The following RBM39 variants were observed in gnomAD, a reference collection of about 807,000 sequenced individuals.
RBM39 encodes the protein RNA binding motif protein 39, also known as RNA-binding protein 39.
Under a neutral mutation model 79.6 loss-of-function variants are expected in RBM39, and 12 were observed. The observed-to-expected ratio is 0.15, with a 90% CI of 0.10 to 0.24. The LOEUF (loss-of-function observed/expected upper bound fraction) is 0.24, where lower values mean the gene tolerates loss of function less well. RBM39 is among the 10% of genes least tolerant of loss of function. RBM39 has a pLI of 1.00. For missense variants in RBM39, 243 were observed against 653.4 expected, an observed-to-expected ratio of 0.37 and a Z score of 6.85; for synonymous variants, 185 against 208.4, an observed-to-expected ratio of 0.89 and a Z score of 0.97.
At chr20:35,723,225 C>A (rs779378134) in intron 8 of RBM39, among the ~76,000 whole-genome samples, 1 of 141,224 alleles carries the variant, frequency 7.1e-6, no homozygotes, top group Non-Finnish European at 1.5e-5. Context: ...TAACCAAGAT[C>A]GCCTCAAAAA....
intron 2 of RBM39, 198 bp from the exon 3 acceptor site, chr20:35,739,215 A>G: frequency 1.6e-6 from 1 of 610,998 alleles, no homozygotes; most frequent in Non-Finnish European, 2.9e-6. Flanking sequence ...TTAAGTCATC[A>G]AGATACAAAA....
intron 3 of RBM39, chr20:35,734,186 C>T: frequency 7.7e-7 from 1 of 1,300,428 alleles, no homozygotes; most frequent in Non-Finnish European, 1.0e-6. Flanking sequence ...AGACACCCAC[C>T]TTCTGGAATC....
At chr20:35,706,672 T>C (rs533142493) in intron 14 of RBM39, among the ~76,000 whole-genome samples, 1 of 152,274 alleles carries the variant, frequency 6.6e-6, no homozygotes, top group African/African-American at 2.4e-5. Flanking sequence ...CTAGGCATAG[T>C]TTCCGCACCT....
At chr20:35,728,654 G>A (rs2039026643) in intron 6 of RBM39, among the ~76,000 whole-genome samples, 1 of 152,100 alleles carries the variant, frequency 6.6e-6, no homozygotes, top group Non-Finnish European at 1.5e-5. Flanking sequence ...GCACATGCCT[G>A]TACTCCCAGC....
intron 10 of RBM39, among the ~76,000 whole-genome samples, chr20:35,715,422 G>A (rs537418684): frequency 6.6e-5 from 10 of 152,086 alleles, no homozygotes; most frequent in African/African-American, 1.9e-4. Flanking sequence ...GTGATCTACC[G>A]CTCTCAGCCT....
rs8118120 is a variant in RBM39, at chr20:35,704,799, C to T, written c.1414-53G>A. On this transcript the variant is annotated intron_variant, in intron 15 of 16. Transcript: ENST00000253363. ...AGATGTTGCTGTATGCAAAATGGACCCAAGTTATGTTTATTCAAGTTGCCT... is the reference window on the plus strand; with the variant it reads ...AGATGTTGCTGTATGCAAAATGGACTCAAGTTATGTTTATTCAAGTTGCCT... 2,707 of 1,507,290 alleles carry T rather than the reference C, an allele frequency of 1.8e-3. 26 individuals are homozygous for T. The African/African-American group carries it at 0.03, about 17-fold the overall frequency. 93.4% of individuals were successfully genotyped at this position (1,507,290 alleles called of 1,614,324 possible).
chr20:35,721,841 A>T lies in RBM39; in HGVS notation c.724T>A (p.Leu242Ile), dbSNP rs1373168358. ...KNRAAAMANN[L>I]QKGSAGPMRL... is the part of the protein sequence containing the mutation. ...ATAGGTCCAGCACTTCCCTTTTGTA[A>T]ATTGTTTGCCATTGCTGCAGCTCTG... The change falls in exon 9 of 17, where the codon TTA becomes ATA. Residue 242 changes from leucine to isoleucine, a missense_variant. Around this residue, in one of 4 missense-constraint regions of RBM39, gnomAD observed 61 missense variants for 322.9 expected, o/e 0.19. Coordinates refer to ENST00000253363, the MANE Select transcript of RBM39 (RefSeq NM_184234.3). 6.2e-7 allele frequency: 1 copy of T among 1,613,930 alleles called. No homozygotes were observed. Among genetic ancestry groups the T allele is most frequent in the Admixed American group, 1.7e-5 (1 of 59,996 alleles).
intron 9 of RBM39, among the ~76,000 whole-genome samples, chr20:35,720,628 G>C (rs866892370): frequency 2.0e-5 from 3 of 151,344 alleles, no homozygotes; most frequent in African/African-American, 7.3e-5. Context: ...AAAATTAGTC[G>C]AGCATGATGG....
At chr20:35,741,359 A>G (rs2040516147) in intron 1 of RBM39, 1 of 153,674 alleles carries the variant, frequency 6.5e-6, no homozygotes, top group African/African-American at 2.4e-5. Flanking sequence ...AAATCGACTG[A>G]ATTTTTCTTC....
chr20:35,719,384 G>C lies in RBM39; in HGVS notation c.825+2356C>G, dbSNP rs117592013. Among the ~76,000 whole-genome samples, 35 of 152,224 alleles carry C rather than the reference G, an allele frequency of 2.3e-4. No individual in the cohort carries two copies. In the East Asian group the frequency reaches 6.6e-3, roughly 29 times the overall value. On this transcript the variant is annotated intron_variant, in intron 9 of 16. Transcript: ENST00000253363. ...CTGTTTGGAAGAGAGTTGAGTACTT[G>C]CAACAAGACCATATGGCACTGAAAA...
At position 35,707,428 on chromosome 20, in the gene RBM39, T is replaced by C. The variant is rs2035879616; in HGVS notation, c.1226-227A>G. The C allele has an allele frequency of 1.5e-5, 5 of 328,740 alleles. No homozygotes were observed. In the South Asian group the frequency reaches 2.8e-4, roughly 18 times the overall value. 20.4% of individuals were successfully genotyped at this position (328,740 alleles called of 1,614,324 possible). A position where few individuals can be genotyped will look rare whatever the true frequency, so the allele number is the denominator to read the frequency against. ...AAACAGACATTCAGAAATTTGGGAG[T>C]CCTATTTTAACAGGGAAATTAAACT... On this transcript the variant is annotated intron_variant, in intron 13 of 16. Coordinates refer to ENST00000253363, the MANE Select transcript of RBM39 (RefSeq NM_184234.3).
chr20:35,736,716 T>A (rs2039961225), intron 3 of RBM39: 1 of 391,350 alleles, frequency 2.6e-6, no homozygotes, highest in Non-Finnish European at 5.2e-6. Flanking sequence ...AATGGCATAA[T>A]CTCAGCTCAT....
chr20:35,729,178 T>TA (rs1303788175), intron 6 of RBM39, 134 bp downstream of exon 6: 1 of 611,022 alleles, frequency 1.6e-6, no homozygotes, highest in Non-Finnish European at 2.6e-6. Flanking sequence ...CACTTGACCT[T>TA]AAAGTACTGG....
chr20:35,734,858 A>G, intron 3 of RBM39: 2 of 1,465,246 alleles, frequency 1.4e-6, no homozygotes, highest in South Asian at 1.5e-5. Context: ...AAGAAGGGTT[A>G]TCGAAATCCA....
Position 35,716,741 on chromosome 20 carries a change from G to A in RBM39, c.890C>T (p.Thr297Ile), listed in dbSNP as rs1438699709. 1 of 1,548,212 alleles carries A rather than the reference G, an allele frequency of 6.5e-7. No individual in the cohort carries two copies. Among genetic ancestry groups the A allele is most frequent in the Admixed American group, 1.8e-5 (1 of 56,494 alleles). The part of the protein sequence containing the change: ...TGRSKGYGFI[T>I]FSDSECAKKA... ...AATATAATTATGGTAATTACTTACT[G>A]TAATAAATCCATATCCCTTGGATCG... Residue 297 changes from threonine (T) to isoleucine (I), a missense_variant and splice_region_variant, in exon 10 of 17, where the codon ACA becomes ATA. Coordinates refer to ENST00000253363, the MANE Select transcript of RBM39 (RefSeq NM_184234.3).
intron 15 of RBM39, 189 bp downstream of exon 15, chr20:35,705,036 G>T: frequency 1.7e-6 from 1 of 595,806 alleles, no homozygotes; most frequent in Non-Finnish European, 2.9e-6. Flanking sequence ...CTCATACCCT[G>T]ATCAAATTGT....
chr20:35,711,369 T>C lies in RBM39; in HGVS notation c.1174+1650A>G, dbSNP rs189050575. ...TGAGTTTACTATCAATTAGAGCAAG[T>C]AGCAATCGACAATTACTCACTGTAA... On this transcript the variant is annotated intron_variant, in intron 12 of 16. Coordinates refer to ENST00000253363, the MANE Select transcript of RBM39 (RefSeq NM_184234.3). 6.6e-5 allele frequency among the ~76,000 whole-genome samples: 10 copies of C among 152,294 alleles called. No individual in the cohort carries two copies. The East Asian group carries it at 1.7e-3, about 26-fold the overall frequency.
intron 1 of RBM39, 118 bp from the exon 2 acceptor site, chr20:35,741,005 G>A (rs1335483356): frequency 8.8e-6 from 3 of 342,480 alleles, no homozygotes; most frequent in Admixed American, 4.1e-5. Context: ...AAAAGAACAA[G>A]ACGATTCCGT....
intron 8 of RBM39, among the ~76,000 whole-genome samples, chr20:35,723,254 G>C (rs1307971897): frequency 1.3e-5 from 2 of 150,252 alleles, no homozygotes; most frequent in African/African-American, 4.9e-5. Flanking sequence ...AAGAAAAGTT[G>C]TCCATTTGCA....
Sources: gnomAD v4.1 joint callset for allele counts (sites outside exome capture counted in the v4.1 genomes callset) on GRCh38, gnomAD v4.1.1 for gene constraint, gnomAD v4.1.1 regional missense constraint, MANE v1.5 for transcripts, NCBI Gene and HGNC (gene_info 2026-07-23, HGNC 2026-07-21) for gene names.